The following ATP1B3 variants were observed in gnomAD, a reference collection of about 807,000 sequenced individuals.
The protein encoded by ATP1B3 is ATPase Na+/K+ transporting subunit beta 3.
A neutral mutation model predicts 30.2 loss-of-function variants in ATP1B3; 10 were observed. The observed-to-expected ratio is 0.33, with a 90% CI of 0.20 to 0.56. The LOEUF (loss-of-function observed/expected upper bound fraction) is 0.56. Ranked by LOEUF, ATP1B3 falls within the 20% of genes least tolerant of loss-of-function variation. The pLI, the probability that ATP1B3 is intolerant of heterozygous loss-of-function variation, is 0.90. For missense variants in ATP1B3, 238 were observed against 336.7 expected (o/e 0.71, Z 2.29); for synonymous variants, 113 against 117.0 (o/e 0.97, Z 0.22).
At chr3:141,885,078 C>T (rs1048857820) in intron 1 of ATP1B3, among the ~76,000 whole-genome samples, 2 of 152,086 alleles carry the variant, frequency 1.3e-5, no homozygotes, top group Admixed American at 6.6e-5. Flanking sequence ...CCCTTCCTTC[C>T]CTGAGGTTCT....
In ATP1B3 at chr3:141,913,826, A is replaced by C; in HGVS notation, c.521A>C (p.Lys174Thr). 1 of 1,612,510 alleles carries C rather than the reference A, an allele frequency of 6.2e-7. No homozygotes were observed. The highest frequency in any genetic ancestry group is 1.3e-5 in the African/African-American group (1 of 75,004). The change falls in exon 4 of 7, where the codon AAA (lysine) becomes ACA (threonine). Residue 174 changes from lysine (K) to threonine (T), a missense_variant. Around this residue, in one of 3 missense-constraint regions of ATP1B3, gnomAD observed 58 missense variants for 125.6 expected, o/e 0.46. Transcript: ENST00000286371. ...CAAGGAAACCCTTGTATTCTTGTGA[A>C]AATGAACAGAGTACGTACATATTTT... ...YSQGNPCILV[K>T]MNRIIGLKPE...
chr3:141,922,423 C>T (rs1037612776), intron 6 of ATP1B3, among the ~76,000 whole-genome samples: 13 of 151,698 alleles, frequency 8.6e-5, no homozygotes, highest in Admixed American at 3.9e-4. Flanking sequence ...GAGGCCAAGG[C>T]GGGCGCATTA....
At chr3:141,907,713 A>G (rs1410896837) in intron 3 of ATP1B3, among the ~76,000 whole-genome samples, 7 of 152,000 alleles carry the variant, frequency 4.6e-5, no homozygotes, top group East Asian at 3.9e-4. Context: ...ATTACCTTCT[A>G]TTTCCTTCTG....
chr3:141,907,233 C>G lies in ATP1B3; in HGVS notation c.305C>G (p.Ser102Trp), dbSNP rs768861940. ...EYTFSRSDPT[S>W]YAGYIEDLKK... is the part of the protein sequence containing the mutation. ...ACATTCAGTAGGTCTGATCCAACTTCGTATGCAGGGTACATTGAAGACCTT... is the reference window on the plus strand; with the variant it reads ...ACATTCAGTAGGTCTGATCCAACTTGGTATGCAGGGTACATTGAAGACCTT... Residue 102 changes from serine (S) to tryptophan (W), a missense_variant, in exon 3 of 7, where the codon TCG (serine) becomes TGG (tryptophan). Ser to Trp is a radical substitution (Grantham distance 177). Transcript: ENST00000286371. The G allele has an allele frequency of 6.2e-7, 1 of 1,612,840 alleles. No individual in the cohort carries two copies. The highest frequency in any genetic ancestry group is 8.5e-7 in the Non-Finnish European group (1 of 1,179,558).
At chr3:141,895,551 C>T (rs906575090) in intron 1 of ATP1B3, among the ~76,000 whole-genome samples, 38 of 152,174 alleles carry the variant, frequency 2.5e-4, no homozygotes, top group Admixed American at 6.5e-4. Flanking sequence ...ATCCACAGTT[C>T]TTATTGCTGA....
intron 2 of ATP1B3, among the ~76,000 whole-genome samples, chr3:141,905,484 G>A (rs1007831133): frequency 4.6e-5 from 7 of 152,184 alleles, no homozygotes; most frequent in Admixed American, 1.3e-4. Flanking sequence ...CTTGCTCACT[G>A]TATAGACTTC....
At chr3:141,884,488 T>G (rs1485115187) in intron 1 of ATP1B3, among the ~76,000 whole-genome samples, 1 of 152,166 alleles carries the variant, frequency 6.6e-6, no homozygotes, top group Non-Finnish European at 1.5e-5. Context: ...TCAACTTGAT[T>G]GGGTTGAAGG....
At chr3:141,918,020 A>G (rs1216920046) in intron 5 of ATP1B3, among the ~76,000 whole-genome samples, 2 of 151,982 alleles carry the variant, frequency 1.3e-5, no homozygotes, top group Non-Finnish European at 2.9e-5. Flanking sequence ...CGCCCGCCTC[A>G]GCCTCCCAAA....
intron 1 of ATP1B3, chr3:141,877,414 C>T (rs1933627113): frequency 6.6e-6 from 1 of 152,308 alleles, no homozygotes; most frequent in African/African-American, 2.4e-5. Context: ...GTGACTCGTC[C>T]ACGCTGCCAC....
chr3:141,889,338 TC>T (rs1243250621), intron 1 of ATP1B3, among the ~76,000 whole-genome samples: 5 of 152,192 alleles, frequency 3.3e-5, no homozygotes. Flanking sequence ...TTAAATTGTT[TC>T]CAATTTTTAT....
At chr3:141,901,063 G>A (rs996063556) in intron 1 of ATP1B3, among the ~76,000 whole-genome samples, 1 of 152,316 alleles carries the variant, frequency 6.6e-6, no homozygotes, top group East Asian at 1.9e-4. Context: ...GATTACAGGC[G>A]TGAGCCACTG....
At chr3:141,924,630 C>G (rs746630036) in intron 6 of ATP1B3, among the ~76,000 whole-genome samples, 2 of 151,842 alleles carry the variant, frequency 1.3e-5, no homozygotes, top group African/African-American at 2.4e-5. Flanking sequence ...ACCTGGGCAA[C>G]ATACTCCATT....
chr3:141,922,694 G>A (rs189233025), intron 6 of ATP1B3, among the ~76,000 whole-genome samples: 17 of 152,172 alleles, frequency 1.1e-4, no homozygotes, highest in Admixed American at 5.9e-4. Flanking sequence ...AAGGCCAGGC[G>A]CAGTGGCTCA....
chr3:141,878,523 C>T (rs77613930), intron 1 of ATP1B3, among the ~76,000 whole-genome samples: 16,388 of 152,222 alleles, frequency 0.11, 1,082 homozygotes, highest in Middle Eastern at 0.16. Context: ...ATTTCCAGAA[C>T]GGAGTAACTC....
chr3:141,883,159 G>A (rs1933763292), intron 1 of ATP1B3, among the ~76,000 whole-genome samples: 2 of 152,074 alleles, frequency 1.3e-5, no homozygotes, highest in African/African-American at 4.8e-5. Flanking sequence ...TGTCAGCTTT[G>A]ATAGTCTGAT....
chr3:141,890,285 C>CTTT lies in ATP1B3; in HGVS notation c.110-13302_110-13300dup, dbSNP rs775182342. ...TTTGTTTGTTTGTTTTTTTGTGGGG[C>CTTT]TTTTTTTTTTTTTTTTTTTTTTTTT... On this transcript the variant is annotated intron_variant, in intron 1 of 6. Transcript: ENST00000286371. 7.4e-4 allele frequency among the ~76,000 whole-genome samples: 21 copies of CTTT among 28,562 alleles called. 4 individuals are homozygous for CTTT. The highest frequency in any genetic ancestry group is 8.6e-4 in the Non-Finnish European group (15 of 17,356). 18.7% of individuals were successfully genotyped at this position (28,562 alleles called of 152,430 possible).
chr3:141,909,570 C>G (rs1934320219), intron 3 of ATP1B3, among the ~76,000 whole-genome samples: 1 of 152,176 alleles, frequency 6.6e-6, no homozygotes, highest in South Asian at 2.1e-4. Context: ...ATGTCCAGCA[C>G]AGGAAGCAGT....
At chr3:141,919,283 T>TG (rs975708296) in intron 5 of ATP1B3, among the ~76,000 whole-genome samples, 6 of 144,120 alleles carry the variant, frequency 4.2e-5, no homozygotes, top group Non-Finnish European at 9.4e-5. Context: ...TGCTTTTTTT[T>TG]TTTCTCTCTC....
rs148254601 is a variant in ATP1B3 at position 141,898,093 on chromosome 3, T to C, written c.110-5527T>C. Among the ~76,000 whole-genome samples the C allele has an allele frequency of 1.6e-4, 24 of 152,282 alleles. No homozygotes were observed. The East Asian group carries it at 4.0e-3, about 26-fold the overall frequency. On this transcript the variant is annotated intron_variant, in intron 1 of 6. Coordinates refer to ENST00000286371, the MANE Select transcript of ATP1B3 (RefSeq NM_001679.4). ...AGGTGGACCCCTACCTCAAACCATA[T>C]ACAAAAATTAACTCAAAATGGATCA...
Sources: allele counts gnomAD v4.1 joint callset (sites outside exome capture counted in the v4.1 genomes callset), GRCh38; gene constraint gnomAD v4.1.1; regional missense constraint gnomAD v4.1.1; transcripts MANE v1.5; gene names NCBI Gene and HGNC (gene_info 2026-07-23, HGNC 2026-07-21).